CDC42BPB: variants seen among roughly 807,000 people sequenced by gnomAD.
The protein encoded by CDC42BPB is CDC42 binding protein kinase beta.
A neutral mutation model predicts 214.9 loss-of-function variants in CDC42BPB; 37 were observed. The observed-to-expected ratio is 0.17, with a 90% CI of 0.13 to 0.23. The LOEUF is 0.23. Among genes scored for constraint, CDC42BPB ranks in the 10% least tolerant of loss-of-function variants. The pLI is 1.00. For missense variants in CDC42BPB, 1,694 were observed against 2,227.0 expected, an observed-to-expected ratio of 0.76 and a Z score of 4.82; for synonymous variants, 931 against 884.0, an observed-to-expected ratio of 1.05 and a Z score of -0.94.
At position 102,983,143 on chromosome 14, in the gene CDC42BPB, G is replaced by C. The variant is rs531014755; in HGVS notation, c.891+413C>G. On this transcript the variant is annotated intron_variant, in intron 7 of 36. Coordinates refer to ENST00000361246, the MANE Select transcript of CDC42BPB (RefSeq NM_006035.4). ...GAATCAAAGTTGGCACCTAACCAGT[G>C]AATCTAGAGCCACAGGTCAAAGGGC... 1.0e-3 allele frequency among the ~76,000 whole-genome samples: 153 copies of C among 152,256 alleles called. 1 individual carries two copies. The highest frequency in any genetic ancestry group is 3.6e-3 in the African/African-American group (148 of 41,548).
Position 102,954,305 on chromosome 14 carries a change from G to C in CDC42BPB, c.2989-30C>G, listed in dbSNP as rs188967122. The C allele has an allele frequency of 5.7e-4, 848 of 1,486,296 alleles. 9 individuals are homozygous for C. In the Middle Eastern group the frequency reaches 8.7e-3, roughly 15 times the overall value. 92.1% of individuals were successfully genotyped at this position (1,486,296 alleles called of 1,614,324 possible). On this transcript the variant is annotated intron_variant, in intron 22 of 36. Transcript: ENST00000361246. ...GAGACAAGCAGGACAGGTGAGTGTC[G>C]GCCCAGCTCAGCATGGCTGAGACAC... is the stretch of plus-strand genomic sequence containing the variant.
chr14:102,994,336 A>T (rs543909301), intron 5 of CDC42BPB, among the ~76,000 whole-genome samples: 1 of 152,158 alleles, frequency 6.6e-6, no homozygotes, highest in East Asian at 1.9e-4. Context: ...TCTGCGCCGT[A>T]TAATTCTGTA....
In CDC42BPB at chr14:103,018,013, G is replaced by A. The variant is rs537334494; in HGVS notation, c.176-5825C>T. 1.9e-4 allele frequency among the ~76,000 whole-genome samples: 29 copies of A among 152,342 alleles called. 1 individual carries two copies. In the South Asian group the frequency reaches 5.0e-3, roughly 26 times the overall value. On this transcript the variant is annotated intron_variant, in intron 1 of 36. Transcript: ENST00000361246. The stretch of plus-strand genomic sequence containing the variant: ...AGACAATTTTTCCACAGACCCGTAG[G>A]GGGGTGGAGGAGGTGAGGTGATGGT...
intron 36 of CDC42BPB, among the ~76,000 whole-genome samples, chr14:102,934,560 A>C (rs1891553882): frequency 6.6e-6 from 1 of 152,014 alleles, no homozygotes. Flanking sequence ...AAAAAAACAA[A>C]AATCAGCCGG....
chr14:103,035,954 C>A lies in CDC42BPB; in HGVS notation c.175+21045G>T, dbSNP rs75431415. 6.0e-3 allele frequency among the ~76,000 whole-genome samples: 917 copies of A among 152,078 alleles called. 12 individuals are homozygous for A. Among genetic ancestry groups the A allele is most frequent in the African/African-American group, 0.021 (874 of 41,484 alleles). ...ATCGCTTTAGCTCAGGAGTTCGAAA[C>A]CAACCTGGGCAACATGACGAAACCT... On this transcript the variant is annotated intron_variant, in intron 1 of 36. Transcript: ENST00000361246.
At chr14:103,015,373 G>A (rs966409938) in intron 1 of CDC42BPB, among the ~76,000 whole-genome samples, 3 of 152,114 alleles carry the variant, frequency 2.0e-5, no homozygotes, top group Admixed American at 2.0e-4. Context: ...TGTAATCCCA[G>A]CTACTCAGGA....
intron 5 of CDC42BPB, among the ~76,000 whole-genome samples, chr14:102,997,793 T>A (rs1169663330): frequency 2.0e-5 from 3 of 152,212 alleles, no homozygotes; most frequent in Non-Finnish European, 4.4e-5. Flanking sequence ...CACAGTATTA[T>A]CAACACCAAA....
intron 12 of CDC42BPB, among the ~76,000 whole-genome samples, chr14:102,973,587 CG>C (rs1377737410): frequency 6.6e-6 from 1 of 151,976 alleles, no homozygotes; most frequent in Non-Finnish European, 1.5e-5. Flanking sequence ...CGGGACGCAG[CG>C]TGTGTTGCCA....
At chr14:103,028,596 C>T (rs1447391559) in intron 1 of CDC42BPB, among the ~76,000 whole-genome samples, 1 of 152,252 alleles carries the variant, frequency 6.6e-6, no homozygotes. Context: ...ACACGCCCGT[C>T]TGCAGTGCAG....
chr14:102,938,564 C>T (rs1025154166), intron 34 of CDC42BPB, 153 bp from the exon 35 acceptor site: 7 of 985,318 alleles, frequency 7.1e-6, no homozygotes, highest in Middle Eastern at 5.2e-4. Context: ...GGGTTCTGGA[C>T]AGTCTGGAAC....
chr14:102,994,327 C>G (rs1894628192), intron 5 of CDC42BPB, among the ~76,000 whole-genome samples: 1 of 152,134 alleles, frequency 6.6e-6, no homozygotes, highest in South Asian at 2.1e-4. Flanking sequence ...TGGGGGTCAT[C>G]TGCGCCGTAT....
intron 18 of CDC42BPB, among the ~76,000 whole-genome samples, chr14:102,965,387 TTAAAA>T (rs1291359096): frequency 1.2e-4 from 15 of 130,044 alleles, no homozygotes; most frequent in Non-Finnish European, 1.7e-4. Context: ...CTACCTGTGA[TTAAAA>T]AAAAAAAAAA....
chr14:102,985,924 G>T (rs1008233589), intron 6 of CDC42BPB, among the ~76,000 whole-genome samples: 96 of 152,238 alleles, frequency 6.3e-4, no homozygotes, highest in Non-Finnish European at 1.2e-3. Context: ...CACAGGGCCT[G>T]TGGCCTGAGC....
At chr14:102,996,825 A>C (rs539754209) in intron 5 of CDC42BPB, among the ~76,000 whole-genome samples, 1 of 151,910 alleles carries the variant, frequency 6.6e-6, no homozygotes, top group East Asian at 1.9e-4. Context: ...AAAAAAAAAA[A>C]AACAACCTAT....
At chr14:103,012,652 A>G (rs932432573) in intron 1 of CDC42BPB, among the ~76,000 whole-genome samples, 2 of 152,146 alleles carry the variant, frequency 1.3e-5, no homozygotes, top group African/African-American at 4.8e-5. Flanking sequence ...TAAAAATACA[A>G]AAATTAGCCG....
intron 1 of CDC42BPB, among the ~76,000 whole-genome samples, chr14:103,042,932 C>T (rs955283741): frequency 3.3e-5 from 5 of 152,058 alleles, no homozygotes; most frequent in Non-Finnish European, 7.4e-5. Context: ...GGTATACACT[C>T]GAGGGACATG....
chr14:102,997,471 C>T (rs989945548), intron 5 of CDC42BPB, among the ~76,000 whole-genome samples: 2 of 152,082 alleles, frequency 1.3e-5, no homozygotes, highest in Non-Finnish European at 1.5e-5. Context: ...GGAGCCAGTC[C>T]CAGAAAGGGA....
chr14:103,004,052 T>G lies in CDC42BPB; in HGVS notation c.352-29A>C. The G allele has an allele frequency of 1.3e-6, 2 of 1,570,940 alleles. No individual in the cohort carries two copies. Among genetic ancestry groups the G allele is most frequent in the Non-Finnish European group, 1.7e-6 (2 of 1,161,850 alleles). On this transcript the variant is annotated intron_variant, in intron 3 of 36. Transcript: ENST00000361246. The surrounding 1 kb of genome is among the most constrained non-coding windows in gnomAD (Gnocchi z 5.3). ...CAAAGCAACGAGGGGTGTCAGTCTG[T>G]GTTCACTGGGAAGCAGGCCAGAGAG...
intron 1 of CDC42BPB, among the ~76,000 whole-genome samples, chr14:103,032,137 C>A (rs1042975935): frequency 6.6e-6 from 1 of 152,086 alleles, no homozygotes; most frequent in African/African-American, 2.4e-5. Context: ...GGAGAAGCAA[C>A]ACGTATTTCA....
Sources: gnomAD v4.1 joint callset for allele counts (sites outside exome capture counted in the v4.1 genomes callset) on GRCh38, gnomAD v4.1.1 for gene constraint, Gnocchi (gnomAD v3.1) non-coding constraint, MANE v1.5 for transcripts, NCBI Gene and HGNC (gene_info 2026-07-23, HGNC 2026-07-21) for gene names.